Variants in RBMS3 observed in about 807,000 individuals in gnomAD.
RBMS3 encodes the protein RNA-binding motif, single-stranded-interacting protein 3.
Under a neutral mutation model 66.8 loss-of-function variants are expected in RBMS3, and 27 were observed. The observed-to-expected ratio is 0.40, with a 90% CI of 0.30 to 0.56. RBMS3 has a LOEUF of 0.56. RBMS3 is among the 20% of genes least tolerant of loss of function. The pLI is 0.40. For synonymous variants in RBMS3, 188 were observed against 183.0 expected, an observed-to-expected ratio of 1.03 and a Z score of -0.22; for missense variants, 513 against 549.5, an observed-to-expected ratio of 0.93 and a Z score of 0.66.
chr3:29,775,805 A>G (rs188769895), intron 6 of RBMS3, among the ~76,000 whole-genome samples: 8 of 152,138 alleles, frequency 5.3e-5, no homozygotes, highest in African/African-American at 1.7e-4. Context: ...CAACTAATTG[A>G]ACACTGTATA....
intron 10 of RBMS3, among the ~76,000 whole-genome samples, chr3:29,908,998 G>A (rs968365638): frequency 6.6e-6 from 1 of 152,018 alleles, no homozygotes; most frequent in African/African-American, 2.4e-5. Context: ...TTAAAGGATG[G>A]GTGATGTTTG....
chr3:29,579,048 G>A (rs1180887541), intron 3 of RBMS3, among the ~76,000 whole-genome samples: 2 of 150,686 alleles, frequency 1.3e-5, no homozygotes, highest in Admixed American at 6.6e-5. Flanking sequence ...TGATCCACCC[G>A]CCTCGGCCTC....
intron 2 of RBMS3, among the ~76,000 whole-genome samples, chr3:29,464,702 T>C (rs759156330): frequency 6.6e-6 from 1 of 152,204 alleles, no homozygotes; most frequent in African/African-American, 2.4e-5. Context: ...TTGAATGTTA[T>C]TCATCATTCA....
intron 6 of RBMS3, among the ~76,000 whole-genome samples, chr3:29,794,184 A>G (rs751899872): frequency 4.6e-5 from 7 of 152,178 alleles, no homozygotes; most frequent in Non-Finnish European, 1.0e-4. Context: ...ACAGTAATGC[A>G]TAAACAACCT....
intron 6 of RBMS3, among the ~76,000 whole-genome samples, chr3:29,776,999 A>G (rs1234492709): frequency 6.6e-6 from 1 of 151,944 alleles, no homozygotes; most frequent in Non-Finnish European, 1.5e-5. Context: ...TTATGGGACC[A>G]TGGCAGCTGT....
chr3:29,496,302 T>G (rs912055042), intron 3 of RBMS3, among the ~76,000 whole-genome samples: 2 of 152,150 alleles, frequency 1.3e-5, no homozygotes, highest in Non-Finnish European at 2.9e-5. Flanking sequence ...AGCCTTTTTT[T>G]GTGAATTTTA....
chr3:29,403,721 CATT>C (rs2039903293), intron 1 of RBMS3, among the ~76,000 whole-genome samples: 1 of 151,908 alleles, frequency 6.6e-6, no homozygotes, highest in African/African-American at 2.4e-5. Context: ...TCTTTTCTGT[CATT>C]ATTAAAAAGT....
intron 4 of RBMS3, among the ~76,000 whole-genome samples, chr3:29,731,742 T>C (rs1457099839): frequency 6.6e-6 from 1 of 152,082 alleles, no homozygotes; most frequent in African/African-American, 2.4e-5. Flanking sequence ...GCAATATAGA[T>C]TTGACAAAAC....
chr3:29,540,657 G>T (rs974009862), intron 3 of RBMS3, among the ~76,000 whole-genome samples: 6 of 152,108 alleles, frequency 3.9e-5, no homozygotes, highest in African/African-American at 1.4e-4. Flanking sequence ...AAGTAACTGG[G>T]TCCTGAGAGG....
intron 4 of RBMS3, among the ~76,000 whole-genome samples, chr3:29,683,047 C>G (rs2051564074): frequency 6.6e-6 from 1 of 152,104 alleles, no homozygotes. Flanking sequence ...CTGGGTCAGT[C>G]AAGATTATTC....
At chr3:29,672,115 G>A (rs935856169) in intron 4 of RBMS3, among the ~76,000 whole-genome samples, 2 of 152,026 alleles carry the variant, frequency 1.3e-5, no homozygotes, top group African/African-American at 4.8e-5. Flanking sequence ...AGCCAGAAGA[G>A]AGTGGGGGCC....
intron 2 of RBMS3, among the ~76,000 whole-genome samples, chr3:29,439,557 A>C (rs2041534082): frequency 6.6e-6 from 1 of 151,894 alleles, no homozygotes; most frequent in Non-Finnish European, 1.5e-5. Flanking sequence ...GTAGCACAGA[A>C]TAGAACCCAA....
chr3:29,560,257 ATAAT>A (rs1363846336), intron 3 of RBMS3, among the ~76,000 whole-genome samples: 1 of 152,230 alleles, frequency 6.6e-6, no homozygotes, highest in East Asian at 1.9e-4. Context: ...CTGGAATTTT[ATAAT>A]TAATTATTTT....
At chr3:29,727,023 G>T (rs533164346) in intron 4 of RBMS3, among the ~76,000 whole-genome samples, 1 of 152,158 alleles carries the variant, frequency 6.6e-6, no homozygotes, top group Non-Finnish European at 1.5e-5. Flanking sequence ...CAGATATATA[G>T]ACCAGTGGAA....
At chr3:29,458,750 A>C (rs1042719046) in intron 2 of RBMS3, among the ~76,000 whole-genome samples, 3 of 152,218 alleles carry the variant, frequency 2.0e-5, no homozygotes, top group African/African-American at 7.2e-5. Flanking sequence ...GACTAATGGA[A>C]GAGCATTTAA....
At chr3:29,436,781 T>TTA (rs1315546574) in intron 2 of RBMS3, among the ~76,000 whole-genome samples, 2 of 152,222 alleles carry the variant, frequency 1.3e-5, no homozygotes, top group Non-Finnish European at 2.9e-5. Flanking sequence ...GCCCAAGGAA[T>TTA]TATGATTCAC....
intron 2 of RBMS3, among the ~76,000 whole-genome samples, chr3:29,484,875 A>G (rs188940511): frequency 6.6e-6 from 1 of 152,304 alleles, no homozygotes; most frequent in East Asian, 1.9e-4. Context: ...ACCTTTTTCT[A>G]GTCTGGTATC....
At chr3:29,287,074 G>A (rs1004056376) in intron 1 of RBMS3, among the ~76,000 whole-genome samples, 6 of 152,110 alleles carry the variant, frequency 3.9e-5, no homozygotes, top group Admixed American at 3.3e-4. Context: ...GAGACCAAAA[G>A]CGAAAATGTA....
At chr3:29,745,021 C>T (rs966825560) in intron 5 of RBMS3, among the ~76,000 whole-genome samples, 6 of 152,010 alleles carry the variant, frequency 3.9e-5, no homozygotes, top group South Asian at 2.1e-4. Context: ...AGAACCCCCC[C>T]GCCTCAATTA....
Sources: gnomAD v4.1 joint callset for allele counts (sites outside exome capture counted in the v4.1 genomes callset) on GRCh38, gnomAD v4.1.1 for gene constraint, MANE v1.5 for transcripts, NCBI Gene and HGNC (gene_info 2026-07-23, HGNC 2026-07-21) for gene names.